CACNA1D: variants seen among roughly 807,000 people sequenced by gnomAD.
CACNA1D encodes calcium voltage-gated channel subunit alpha1 D, also known as voltage-dependent L-type calcium channel subunit alpha-1D.
In CACNA1D, 55 loss-of-function variants were observed where a neutral mutation model predicts 257.1. That is an observed-to-expected ratio of 0.21 (90% CI 0.17 to 0.27). The LOEUF is 0.27. Among genes scored for constraint, CACNA1D ranks in the 10% least tolerant of loss-of-function variants. The pLI is 1.00. For synonymous variants in CACNA1D, 980 were observed against 1,014.9 expected, an observed-to-expected ratio of 0.97 and a Z score of 0.65; for missense variants, 1,876 against 2,784.0, an observed-to-expected ratio of 0.67 and a Z score of 7.34.
intron 47 of CACNA1D, among the ~76,000 whole-genome samples, chr3:53,810,846 G>C (rs191165870): frequency 1.3e-5 from 2 of 149,640 alleles, no homozygotes; most frequent in African/African-American, 5.0e-5. Flanking sequence ...TATGGGTGCT[G>C]TTCCGGCATA....
At chr3:53,569,060 T>G (rs2092899197) in intron 3 of CACNA1D, among the ~76,000 whole-genome samples, 1 of 152,198 alleles carries the variant, frequency 6.6e-6, no homozygotes, top group Non-Finnish European at 1.5e-5. Context: ...TTTCCTGGTG[T>G]TCCCCCCACC....
At chr3:53,602,453 T>C (rs1407617316) in intron 3 of CACNA1D, among the ~76,000 whole-genome samples, 1 of 152,266 alleles carries the variant, frequency 6.6e-6, no homozygotes, top group Non-Finnish European at 1.5e-5. Flanking sequence ...TTGATTTCCT[T>C]TCTGTTGGCT....
intron 3 of CACNA1D, among the ~76,000 whole-genome samples, chr3:53,521,483 A>C (rs1303549345): frequency 6.6e-6 from 1 of 152,196 alleles, no homozygotes; most frequent in South Asian, 2.1e-4. Context: ...AACGGGAGGC[A>C]CTGTGATCAG....
At chr3:53,725,489 T>G (rs1380542761) in intron 14 of CACNA1D, among the ~76,000 whole-genome samples, 1 of 152,164 alleles carries the variant, frequency 6.6e-6, no homozygotes, top group African/African-American at 2.4e-5. Flanking sequence ...GAATTGCTGC[T>G]TTAGAGGGTG....
intron 3 of CACNA1D, among the ~76,000 whole-genome samples, chr3:53,560,779 T>C (rs1449769104): frequency 6.6e-6 from 1 of 152,240 alleles, no homozygotes; most frequent in African/African-American, 2.4e-5. Flanking sequence ...TACAACCGTT[T>C]AGTAGGTAGT....
At chr3:53,724,393 G>C (rs969995963) in intron 14 of CACNA1D, among the ~76,000 whole-genome samples, 6 of 152,202 alleles carry the variant, frequency 3.9e-5, no homozygotes, top group Non-Finnish European at 8.8e-5. Flanking sequence ...ATTTACACAA[G>C]AAGTGAATTC....
chr3:53,556,558 G>T (rs1262350072), intron 3 of CACNA1D, among the ~76,000 whole-genome samples: 2 of 152,176 alleles, frequency 1.3e-5, no homozygotes, highest in Non-Finnish European at 1.5e-5. Flanking sequence ...TGGTGACTTG[G>T]TGAAGTGACT....
Position 53,732,864 on chromosome 3 carries a change from C to T in CACNA1D, c.2523C>T (p.Ala841=), listed in dbSNP as rs773253015. Residue 841 remains alanine, a synonymous_variant, in exon 19 of 48, where the codon GCC becomes GCT. Coordinates refer to ENST00000350061, the MANE Select transcript of CACNA1D (RefSeq NM_001128840.3). ...EEEEDEPEVP[A]GPRPRRISEL... is the part of the protein sequence containing the mutation. ...AGGAGGATGAACCTGAGGTTCCTGC[C>T]GGACCCCGTCCTCGAAGGATCTCGG... 4 of 1,613,578 alleles carry T rather than the reference C, an allele frequency of 2.5e-6. No homozygotes were observed. Among genetic ancestry groups the T allele is most frequent in the Non-Finnish European group, 3.4e-6 (4 of 1,179,666 alleles).
chr3:53,546,548 A>C (rs2092417694), intron 3 of CACNA1D, among the ~76,000 whole-genome samples: 1 of 152,204 alleles, frequency 6.6e-6, no homozygotes, highest in Non-Finnish European at 1.5e-5. Context: ...AGGCCATAAG[A>C]GTCAGAATTT....
rs891119238 is a variant in CACNA1D, at chr3:53,723,397, G to T, written c.1667-37G>T. ...GCACGAGCAGTCTGAGTGTCTTGCA[G>T]GAGACCCTGAGGATGGGTGCCCCTT... On this transcript the variant is annotated intron_variant, in intron 12 of 47. Coordinates refer to ENST00000350061, the MANE Select transcript of CACNA1D (RefSeq NM_001128840.3). This position sits in a 1 kb window ranked among gnomAD's most constrained non-coding sequence, Gnocchi z 5.6. 1 of 1,516,124 alleles carries T rather than the reference G, an allele frequency of 6.6e-7. No homozygotes were observed. Among genetic ancestry groups the T allele is most frequent in the African/African-American group, 1.4e-5 (1 of 72,966 alleles). 93.9% of individuals were successfully genotyped at this position (1,516,124 alleles called of 1,614,324 possible). A position where few individuals can be genotyped will look rare whatever the true frequency, so the allele number is the denominator to read the frequency against.
intron 20 of CACNA1D, among the ~76,000 whole-genome samples, chr3:53,737,335 C>T (rs2095068403): frequency 2.6e-5 from 4 of 152,128 alleles, no homozygotes; most frequent in Admixed American, 2.0e-4. Context: ...TTTTTCTTGT[C>T]ATTTCCTAAA....
chr3:53,735,507 A>G lies in CACNA1D; in HGVS notation c.2751+4A>G. The G allele has an allele frequency of 3.1e-6, 5 of 1,614,012 alleles. No individual in the cohort carries two copies. The highest frequency in any genetic ancestry group is 4.2e-6 in the Non-Finnish European group (5 of 1,180,036). ...CAGCCACTCCTTCCGGAACACGGTA[A>G]GTCCCCAGGGTGGGGCTCGCTCTGG... On this transcript the variant is annotated splice_donor_region_variant and intron_variant, in intron 20 of 47. Coordinates refer to ENST00000350061, the MANE Select transcript of CACNA1D (RefSeq NM_001128840.3).
intron 21 of CACNA1D, among the ~76,000 whole-genome samples, chr3:53,741,108 G>C (rs1262524466): frequency 6.6e-6 from 1 of 152,148 alleles, no homozygotes; most frequent in African/African-American, 2.4e-5. Context: ...TGACTGTGAA[G>C]TCTGCCCCAT....
In CACNA1D at chr3:53,654,609, A is replaced by G. The variant is rs576310746; in HGVS notation, c.623+3691A>G. 4.6e-5 allele frequency among the ~76,000 whole-genome samples: 7 copies of G among 152,302 alleles called. No individual in the cohort carries two copies. The East Asian group carries it at 1.3e-3, about 29-fold the overall frequency. ...TTTTTTCCCCCACCATTGACAAAGTATTTTATTTACTGCCTACTTTGGCAA... is the reference window on the plus strand; with the variant it reads ...TTTTTTCCCCCACCATTGACAAAGTGTTTTATTTACTGCCTACTTTGGCAA... On this transcript the variant is annotated intron_variant, in intron 4 of 47. Coordinates refer to ENST00000350061, the MANE Select transcript of CACNA1D (RefSeq NM_001128840.3).
Position 53,810,162 on chromosome 3 carries a change from T to C in CACNA1D, c.6056T>C (p.Leu2019Pro). ...LDQVNGSLPS[L>P]HRSSWYTDEP... Reference sequence around the variant, plus strand: ...CAGGTGAACGGCAGCCTGCCGTCCCTGCACCGCAGCTCCTGGTACACAGAC... The same window carrying C: ...CAGGTGAACGGCAGCCTGCCGTCCCCGCACCGCAGCTCCTGGTACACAGAC... The change falls in exon 47 of 48, where the codon CTG becomes CCG. Residue 2019 changes from leucine to proline, a missense_variant. Coordinates refer to ENST00000350061, the MANE Select transcript of CACNA1D (RefSeq NM_001128840.3). 1.2e-6 allele frequency: 2 copies of C among 1,614,016 alleles called. No individual in the cohort carries two copies. Among genetic ancestry groups the C allele is most frequent in the Non-Finnish European group, 1.7e-6 (2 of 1,180,038 alleles).
At chr3:53,653,606 T>G (rs1486436304) in intron 4 of CACNA1D, among the ~76,000 whole-genome samples, 1 of 151,994 alleles carries the variant, frequency 6.6e-6, no homozygotes, top group African/African-American at 2.4e-5. Flanking sequence ...TTAAACACTA[T>G]AGAAGGAAAA....
intron 3 of CACNA1D, among the ~76,000 whole-genome samples, chr3:53,504,661 T>G (rs1439053458): frequency 6.6e-6 from 1 of 152,138 alleles, no homozygotes; most frequent in Non-Finnish European, 1.5e-5. Context: ...CAGTTCCACT[T>G]ACTGAAAGCA....
intron 32 of CACNA1D, 100 bp downstream of exon 32, chr3:53,770,652 C>T: frequency 9.1e-7 from 1 of 1,100,638 alleles, no homozygotes; most frequent in Non-Finnish European, 1.4e-6. Context: ...CCTGTGTGGC[C>T]ACTCTGTGGA....
intron 3 of CACNA1D, among the ~76,000 whole-genome samples, chr3:53,623,256 A>G (rs1004318107): frequency 1.3e-5 from 2 of 152,236 alleles, no homozygotes; most frequent in Non-Finnish European, 2.9e-5. Flanking sequence ...AGATTTATGC[A>G]TTTCTCAATG....
Sources: gnomAD v4.1 joint callset for allele counts (sites outside exome capture counted in the v4.1 genomes callset) on GRCh38, gnomAD v4.1.1 for gene constraint, Gnocchi (gnomAD v3.1) non-coding constraint, MANE v1.5 for transcripts, NCBI Gene and HGNC (gene_info 2026-07-23, HGNC 2026-07-21) for gene names.